GTF2H5: variants seen among roughly 807,000 people sequenced by gnomAD.
GTF2H5 encodes general transcription factor IIH subunit 5.
A neutral mutation model predicts 7.1 loss-of-function variants in GTF2H5; 5 were observed. The ratio of observed to expected loss-of-function variants is 0.71; its 90% CI spans 0.37 to 1.49. The LOEUF (loss-of-function observed/expected upper bound fraction) is 1.49. GTF2H5 is among the 40% of genes most tolerant of loss of function. The pLI, the probability that GTF2H5 is intolerant of heterozygous loss-of-function variation, is 0.03. For synonymous variants in GTF2H5, 30 were observed against 31.7 expected, an observed-to-expected ratio of 0.95 and a Z score of 0.18; for missense variants, 80 against 83.0, an observed-to-expected ratio of 0.96 and a Z score of 0.14.
At chr6:158,169,495 TTATATAATATATTGTATATTA>T (rs1785747026) in intron 1 of GTF2H5, among the ~76,000 whole-genome samples, 1 of 54,412 alleles carries the variant, frequency 1.8e-5, no homozygotes, top group Non-Finnish European at 2.9e-5. Context: ...ATATTGTATA[TTATATAATATATTGTATATTA>T]TATATAATAT....
At chr6:158,169,198 C>T (rs925125718) in intron 1 of GTF2H5, among the ~76,000 whole-genome samples, 6 of 145,730 alleles carry the variant, frequency 4.1e-5, no homozygotes, top group African/African-American at 1.5e-4. Context: ...CACGACACTG[C>T]GCTCCAGCCT....
In GTF2H5 at chr6:158,169,425, A is replaced by ATGTATATTATATATAT. The variant is rs1562467982; in HGVS notation, c.-35+1031_-35+1032insGTATATTATATATATT. Among the ~76,000 whole-genome samples, 225 of 72,806 alleles carry ATGTATATTATATATAT rather than the reference A, an allele frequency of 3.1e-3. 8 individuals carry two copies. The highest frequency in any genetic ancestry group is 0.014 in the African/African-American group (214 of 15,608). 47.8% of individuals were successfully genotyped at this position (72,806 alleles called of 152,430 possible). A position where few individuals can be genotyped will look rare whatever the true frequency, so the allele number is the denominator to read the frequency against. On this transcript the variant is annotated intron_variant, in intron 1 of 2. Transcript: ENST00000607778. ...TATTGTATATTATATATTATATATA[A>ATGTATATTATATATAT]TATATTGTATATTATATATATTATA...
At chr6:158,171,285 A>C (rs953003593) in intron 2 of GTF2H5, among the ~76,000 whole-genome samples, 3 of 152,350 alleles carry the variant, frequency 2.0e-5, no homozygotes, top group Non-Finnish European at 4.4e-5. Context: ...AACCCTGTCT[A>C]TGCAAAACAC....
At chr6:158,169,347 TTA>T (rs948429335) in intron 1 of GTF2H5, among the ~76,000 whole-genome samples, 16 of 110,554 alleles carry the variant, frequency 1.4e-4, no homozygotes, top group Non-Finnish European at 2.2e-4. Context: ...AATACGTATA[TTA>T]TATATAATAC....
chr6:158,176,151 A>G (rs1260782610), intron 2 of GTF2H5, among the ~76,000 whole-genome samples: 1 of 152,224 alleles, frequency 6.6e-6, no homozygotes, highest in East Asian at 1.9e-4. Context: ...AAATCCCGGT[A>G]TTCTGGCTCC....
intron 2 of GTF2H5, among the ~76,000 whole-genome samples, chr6:158,181,112 C>A (rs971308222): frequency 1.3e-5 from 2 of 152,030 alleles, no homozygotes; most frequent in African/African-American, 4.8e-5. Context: ...TTTATTTCTG[C>A]GTTAATTTTG....
In GTF2H5 at chr6:158,195,758, G is replaced by C. The variant is rs1287161777; in HGVS notation, c.*3601G>C. The stretch of plus-strand genomic sequence containing the variant: ...GTAAAAGCTCTGACAAAAAGCCTCT[G>C]CTGTAACTAAAATACTGAGATCATT... On this transcript the variant is annotated 3_prime_UTR_variant, in exon 3 of 3. Coordinates refer to ENST00000607778, the MANE Select transcript of GTF2H5 (RefSeq NM_207118.3). 1 of 152,138 alleles carries C rather than the reference G, an allele frequency of 6.6e-6. No individual in the cohort carries two copies. The highest frequency in any genetic ancestry group is 1.5e-5 in the Non-Finnish European group (1 of 68,028). 9.4% of individuals were successfully genotyped at this position (152,138 alleles called of 1,614,324 possible). A position where few individuals can be genotyped will look rare whatever the true frequency, so the allele number is the denominator to read the frequency against.
chr6:158,192,208 C>T lies in GTF2H5; in HGVS notation c.*51C>T, dbSNP rs760991209. On this transcript the variant is annotated 3_prime_UTR_variant, in exon 3 of 3. Transcript: ENST00000607778. ...AATTATAAGCAGCAACTGTGAAAGA[C>T]TTGCCACTCAATATCTTAGGTGACT... 5 of 1,406,768 alleles carry T rather than the reference C, an allele frequency of 3.6e-6. No individual in the cohort carries two copies. In the Admixed American group the frequency reaches 5.0e-5, roughly 14 times the overall value. 87.1% of individuals were successfully genotyped at this position (1,406,768 alleles called of 1,614,324 possible). A position where few individuals can be genotyped will look rare whatever the true frequency, so the allele number is the denominator to read the frequency against.
chr6:158,191,796 G>A (rs924428290), intron 2 of GTF2H5, among the ~76,000 whole-genome samples, 181 bp from the exon 3 acceptor site: 7 of 152,170 alleles, frequency 4.6e-5, no homozygotes, highest in African/African-American at 1.4e-4. Context: ...TACACTAATA[G>A]TTCTAAAATG....
Position 158,192,748 on chromosome 6 carries a change from T to C in GTF2H5, c.*591T>C, listed in dbSNP as rs964544778. On this transcript the variant is annotated 3_prime_UTR_variant, in exon 3 of 3. Coordinates refer to ENST00000607778, the MANE Select transcript of GTF2H5 (RefSeq NM_207118.3). ...TGCTGCTTTGTTTAGTTTTTCCTTG[T>C]TCAAACTTTGTTGGTCACATTTTCC... is the stretch of plus-strand genomic sequence containing the variant. 1.3e-5 allele frequency: 2 copies of C among 154,984 alleles called. No individual in the cohort carries two copies. Among genetic ancestry groups the C allele is most frequent in the African/African-American group, 2.4e-5 (1 of 41,380 alleles). The allele number at this position is 154,984 out of a possible 1,614,324, so 9.6% of individuals were successfully genotyped here. A position where few individuals can be genotyped will look rare whatever the true frequency, so the allele number is the denominator to read the frequency against.
At chr6:158,180,832 A>AT (rs143921455) in intron 2 of GTF2H5, among the ~76,000 whole-genome samples, 19,045 of 137,708 alleles carry the variant, frequency 0.14, 2,054 homozygotes, top group African/African-American at 0.31. Flanking sequence ...GGATTCATTG[A>AT]TTTTTTTTTT....
At position 158,195,771 on chromosome 6, in the gene GTF2H5, T is replaced by C. The variant is rs1303182884; in HGVS notation, c.*3614T>C. The C allele has an allele frequency of 6.6e-6, 1 of 152,196 alleles. No homozygotes were observed. Among genetic ancestry groups the C allele is most frequent in the Admixed American group, 6.5e-5 (1 of 15,280 alleles). The allele number at this position is 152,196 out of a possible 1,614,324, so 9.4% of individuals were successfully genotyped here. On this transcript the variant is annotated 3_prime_UTR_variant, in exon 3 of 3. Transcript: ENST00000607778. ...CAAAAAGCCTCTGCTGTAACTAAAA[T>C]ACTGAGATCATTCTATCTTAACAAA...
chr6:158,169,792 T>TAA (rs1785819017), intron 1 of GTF2H5, among the ~76,000 whole-genome samples: 9 of 108,094 alleles, frequency 8.3e-5, no homozygotes, highest in Admixed American at 1.5e-4. Context: ...ATATTATATA[T>TAA]TATATATTGT....
chr6:158,175,032 G>GTATATA (rs1315754946), intron 2 of GTF2H5, among the ~76,000 whole-genome samples: 3 of 145,640 alleles, frequency 2.1e-5, no homozygotes, highest in South Asian at 4.4e-4. Context: ...GTGTGTGTGT[G>GTATATA]TGTGTGTGTG....
intron 2 of GTF2H5, chr6:158,190,573 TA>T: frequency 2.5e-6 from 1 of 402,060 alleles, no homozygotes; most frequent in South Asian, 1.9e-5. Flanking sequence ...TGTCACTTGG[TA>T]AAACCCAAAG....
Position 158,180,832 on chromosome 6 carries a change from AT to A in GTF2H5, c.35+10308del, listed in dbSNP as rs143921455. 1.5e-3 allele frequency among the ~76,000 whole-genome samples: 212 copies of A among 137,704 alleles called. 1 individual carries two copies. Among genetic ancestry groups the A allele is most frequent in the East Asian group, 6.4e-3 (30 of 4,704 alleles). 90.3% of individuals were successfully genotyped at this position (137,704 alleles called of 152,430 possible). ...AATAAACCAGCTCCGGGATTCATTG[AT>A]TTTTTTTTTTTTTGAAGGGTTTTTT... is the stretch of plus-strand genomic sequence containing the variant. On this transcript the variant is annotated intron_variant, in intron 2 of 2. Transcript: ENST00000607778.
At position 158,193,498 on chromosome 6, in the gene GTF2H5, A is replaced by G. The variant is rs1297213118; in HGVS notation, c.*1341A>G. On this transcript the variant is annotated 3_prime_UTR_variant, in exon 3 of 3. Coordinates refer to ENST00000607778, the MANE Select transcript of GTF2H5 (RefSeq NM_207118.3). Reference sequence around the variant, plus strand: ...TCCATTTTACCTGCTTCCTTATGGTATGTTTATTCAAAGCACCTGTGTACC... The same window carrying G: ...TCCATTTTACCTGCTTCCTTATGGTGTGTTTATTCAAAGCACCTGTGTACC... 6.6e-6 allele frequency: 1 copy of G among 152,170 alleles called. No homozygotes were observed. Among genetic ancestry groups the G allele is most frequent in the Non-Finnish European group, 1.5e-5 (1 of 68,038 alleles). The allele number at this position is 152,170 out of a possible 1,614,324, so 9.4% of individuals were successfully genotyped here.
intron 2 of GTF2H5, among the ~76,000 whole-genome samples, chr6:158,185,037 GT>G (rs576676697): frequency 6.8e-6 from 1 of 146,968 alleles, no homozygotes; most frequent in Non-Finnish European, 1.5e-5. Context: ...TTTGGGTTTT[GT>G]TTTTTTTTCT....
chr6:158,178,456 CAAAAAAAAAAA>C (rs34745319), intron 2 of GTF2H5, among the ~76,000 whole-genome samples: 3 of 88,518 alleles, frequency 3.4e-5, no homozygotes, highest in African/African-American at 1.3e-4. Flanking sequence ...GACTCCATCT[CAAAAAAAAAAA>C]AAAAAAAAAA....
Sources: gnomAD v4.1 joint callset for allele counts (sites outside exome capture counted in the v4.1 genomes callset) on GRCh38, gnomAD v4.1.1 for gene constraint, MANE v1.5 for transcripts, NCBI Gene and HGNC (gene_info 2026-07-23, HGNC 2026-07-21) for gene names.